GRHL2: variants seen among roughly 807,000 people sequenced by gnomAD.
GRHL2 encodes grainyhead-like protein 2 homolog.
GRHL2 carries 21 observed loss-of-function variants against 83.8 expected under a neutral mutation model. The ratio of observed to expected loss-of-function variants is 0.25; its 90% CI spans 0.18 to 0.36. The LOEUF (loss-of-function observed/expected upper bound fraction) is 0.36. Among genes scored for constraint, GRHL2 ranks in the 10% least tolerant of loss-of-function variants. GRHL2 has a pLI of 1.00. For missense variants in GRHL2, 623 were observed against 781.8 expected, an observed-to-expected ratio of 0.80 and a Z score of 2.42; for synonymous variants, 280 against 278.9, an observed-to-expected ratio of 1.00 and a Z score of -0.04.
rs1172914314 is a variant in GRHL2 at position 101,647,737 on chromosome 8, T to TCTTTTC, written c.1613-1672_1613-1671insCCTTTT. Among the ~76,000 whole-genome samples the TCTTTTC allele has an allele frequency of 5.9e-5, 9 of 152,142 alleles. No individual in the cohort carries two copies. The East Asian group carries it at 1.2e-3, about 20-fold the overall frequency. On this transcript the variant is annotated intron_variant, in intron 13 of 15. Coordinates refer to ENST00000646743, the MANE Select transcript of GRHL2 (RefSeq NM_024915.4). ...ACTCGGCAATACCTGTTCATTATTT[T>TCTTTTC]CTTTTTCTTTTTCTTTTTTTTTCAT...
intron 1 of GRHL2, among the ~76,000 whole-genome samples, chr8:101,531,318 A>ATTCTCAATTTACTC (rs1810925164): frequency 6.6e-6 from 1 of 151,878 alleles, no homozygotes; most frequent in Non-Finnish European, 1.5e-5. Flanking sequence ...TTAACACTCT[A>ATTCTCAATTTACTC]TTCTCAATTT....
intron 1 of GRHL2, among the ~76,000 whole-genome samples, chr8:101,541,768 G>A (rs1811158691): frequency 6.6e-6 from 1 of 152,110 alleles, no homozygotes; most frequent in South Asian, 2.1e-4. Flanking sequence ...AAATGCTGAG[G>A]ACTGTCATGG....
At chr8:101,509,455 A>G (rs2130002028) in intron 1 of GRHL2, among the ~76,000 whole-genome samples, 1 of 152,114 alleles carries the variant, frequency 6.6e-6, no homozygotes, top group East Asian at 1.9e-4. Flanking sequence ...ATGGCAATTT[A>G]TGGAAGTAAT....
At chr8:101,573,516 C>T in intron 5 of GRHL2, 152 bp from the exon 6 acceptor site, 1 of 863,918 alleles carries the variant, frequency 1.2e-6, no homozygotes, top group Non-Finnish European at 1.9e-6. Context: ...GACCTTTGAT[C>T]TGGTCTCATC....
intron 14 of GRHL2, among the ~76,000 whole-genome samples, chr8:101,658,100 C>T (rs898387570): frequency 3.3e-5 from 5 of 152,210 alleles, no homozygotes; most frequent in East Asian, 1.9e-4. Context: ...ATCTCCCTGA[C>T]GTGCATGCAG....
chr8:101,573,131 C>T (rs1331378223), intron 5 of GRHL2, among the ~76,000 whole-genome samples: 1 of 151,780 alleles, frequency 6.6e-6, no homozygotes, highest in African/African-American at 2.4e-5. Flanking sequence ...ACAAAAAGTA[C>T]TCCCTGTTAT....
intron 7 of GRHL2, among the ~76,000 whole-genome samples, chr8:101,581,622 C>A (rs141348522): frequency 6.6e-6 from 1 of 152,100 alleles, no homozygotes; most frequent in Admixed American, 6.5e-5. Context: ...TAGTTAACAC[C>A]GGTTTGAGGA....
chr8:101,678,803 C>T, the GRHL2 span, among the ~76,000 whole-genome samples: 1 of 151,962 alleles, frequency 6.6e-6, no homozygotes, highest in Non-Finnish European at 1.5e-5. Flanking sequence ...AGGCACCCCC[C>T]AGCAGGGGCA....
At chr8:101,515,259 A>G (rs974944446) in intron 1 of GRHL2, among the ~76,000 whole-genome samples, 2 of 151,002 alleles carry the variant, frequency 1.3e-5, no homozygotes, top group African/African-American at 4.9e-5. Flanking sequence ...TTCCTACTTC[A>G]TCAGCTTTTC....
At position 101,547,693 on chromosome 8, in the gene GRHL2, T is replaced by C. The variant is rs989123800; in HGVS notation, c.216+4257T>C. Among the ~76,000 whole-genome samples, 8 of 152,256 alleles carry C rather than the reference T, an allele frequency of 5.3e-5. 1 individual carries two copies. The highest frequency in any genetic ancestry group is 5.2e-4 in the Admixed American group (8 of 15,286). ...TTTCCTAATAGCCATTGTTTTACAA[T>C]GTCCACCATTTACAAAATGCCCTTT... On this transcript the variant is annotated intron_variant, in intron 2 of 15. Transcript: ENST00000646743.
At chr8:101,577,977 C>T (rs886683783) in intron 7 of GRHL2, among the ~76,000 whole-genome samples, 1 of 152,140 alleles carries the variant, frequency 6.6e-6, no homozygotes, top group Non-Finnish European at 1.5e-5. Flanking sequence ...TCAACACATG[C>T]CTAGTGTAAG....
chr8:101,594,300 A>G (rs1338375819), intron 7 of GRHL2, among the ~76,000 whole-genome samples: 3 of 152,160 alleles, frequency 2.0e-5, no homozygotes, highest in East Asian at 3.8e-4. Context: ...ATGACAGCTC[A>G]AGGAAATTGG....
intron 3 of GRHL2, among the ~76,000 whole-genome samples, chr8:101,554,195 G>A (rs1461777976): frequency 6.6e-6 from 1 of 152,168 alleles, no homozygotes; most frequent in African/African-American, 2.4e-5. Flanking sequence ...GAACATGAAG[G>A]CTGCCTGCAT....
intron 9 of GRHL2, among the ~76,000 whole-genome samples, chr8:101,631,217 G>C (rs1459285775): frequency 6.6e-6 from 1 of 152,076 alleles, no homozygotes; most frequent in African/African-American, 2.4e-5. Flanking sequence ...CATTTTATAG[G>C]GAATTCACAC....
chr8:101,609,343 A>G (rs766244604), intron 8 of GRHL2, among the ~76,000 whole-genome samples: 7 of 107,244 alleles, frequency 6.5e-5, no homozygotes, highest in Admixed American at 9.2e-5. Flanking sequence ...TAGAAACACA[A>G]ATACTTGTCT....
At chr8:101,574,925 A>G (rs1051257288) in intron 6 of GRHL2, among the ~76,000 whole-genome samples, 2 of 152,246 alleles carry the variant, frequency 1.3e-5, no homozygotes, top group East Asian at 1.9e-4. Context: ...TGCTGTTTTT[A>G]TGATATTACA....
At position 101,610,051 on chromosome 8, in the gene GRHL2, C is replaced by T. The variant is rs1812716418; in HGVS notation, c.1099-9488C>T. Among the ~76,000 whole-genome samples, 6 of 150,822 alleles carry T rather than the reference C, an allele frequency of 4.0e-5. No homozygotes were observed. The South Asian group carries it at 1.0e-3, about 26-fold the overall frequency. On this transcript the variant is annotated intron_variant, in intron 8 of 15. Coordinates refer to ENST00000646743, the MANE Select transcript of GRHL2 (RefSeq NM_024915.4). Reference sequence around the variant, plus strand: ...AAGCAGCCCAATCTCTCATTATGCACATCCCTCATCCTGATGTGCTGCTTC... The same window carrying T: ...AAGCAGCCCAATCTCTCATTATGCATATCCCTCATCCTGATGTGCTGCTTC...
At chr8:101,604,011 T>C (rs1425084003) in intron 8 of GRHL2, among the ~76,000 whole-genome samples, 1 of 132,160 alleles carries the variant, frequency 7.6e-6, no homozygotes, top group South Asian at 2.9e-4. Context: ...TGTTGAGTTT[T>C]TTTTTTGCAA....
chr8:101,500,247 A>G (rs548158943), intron 1 of GRHL2, among the ~76,000 whole-genome samples: 4 of 152,194 alleles, frequency 2.6e-5, no homozygotes, highest in Non-Finnish European at 2.9e-5. Flanking sequence ...GCTTTGGCCC[A>G]GGAGGACTGG....
Sources: gnomAD v4.1 joint callset for allele counts (sites outside exome capture counted in the v4.1 genomes callset) on GRCh38, gnomAD v4.1.1 for gene constraint, MANE v1.5 for transcripts, NCBI Gene and HGNC (gene_info 2026-07-23, HGNC 2026-07-21) for gene names.